SEM1: variants seen among roughly 807,000 people sequenced by gnomAD.
SEM1 encodes 26S proteasome complex subunit SEM1.
SEM1 carries 3 observed loss-of-function variants against 12.7 expected under a neutral mutation model. The observed-to-expected ratio is 0.24, with a 90% CI of 0.11 to 0.61. SEM1 has a LOEUF of 0.61. Ranked by LOEUF, SEM1 falls within the 20% of genes least tolerant of loss-of-function variation. SEM1 has a pLI of 0.88. For synonymous variants in SEM1, 30 were observed against 27.8 expected (o/e 1.08, Z -0.25); for missense variants, 59 against 81.3 (o/e 0.73, Z 1.06).
At chr7:96,545,053 A>C (rs886578767) in intron 2 of SEM1, among the ~76,000 whole-genome samples, 7 of 151,994 alleles carry the variant, frequency 4.6e-5, no homozygotes, top group African/African-American at 1.7e-4. Context: ...ATAACTTACC[A>C]TTGGCTCATT....
intron 3 of SEM1, among the ~76,000 whole-genome samples, chr7:96,505,188 G>A (rs973487592): frequency 6.6e-6 from 1 of 151,788 alleles, no homozygotes; most frequent in Non-Finnish European, 1.5e-5. Flanking sequence ...CTGCAACCTC[G>A]CCTCCCAGGT....
rs562251215 is a variant in SEM1, at chr7:96,589,699, TGAAAA to T, written c.171-83006_171-83002del. Among the ~76,000 whole-genome samples the T allele has an allele frequency of 8.5e-5, 13 of 152,354 alleles. 1 individual carries two copies. In the South Asian group the frequency reaches 2.7e-3, roughly 32 times the overall value. On this transcript the variant is annotated intron_variant and NMD_transcript_variant, in intron 2 of 3. Coordinates refer to the SEM1 transcript ENST00000466986. Reference sequence around the variant, plus strand: ...ACATTCTGTACTGAAATTATGATTTTGAAAAGAAATTATCTTGGACTCTGAAAATT... The same window carrying T: ...ACATTCTGTACTGAAATTATGATTTTGAAATTATCTTGGACTCTGAAAATT...
chr7:96,649,632 T>C (rs1397094398), intron 2 of SEM1: 1 of 152,164 alleles, frequency 6.6e-6, no homozygotes, highest in African/African-American at 2.4e-5. Flanking sequence ...CACATATGTG[T>C]ATGTAGACAG....
intron 2 of SEM1, among the ~76,000 whole-genome samples, chr7:96,508,287 G>C (rs1245285134): frequency 6.6e-6 from 1 of 152,036 alleles, no homozygotes; most frequent in African/African-American, 2.4e-5. Flanking sequence ...TTGCTCATAT[G>C]ATACAAATTT....
intron 2 of SEM1, among the ~76,000 whole-genome samples, chr7:96,517,780 A>G (rs1280313781): frequency 4.6e-5 from 7 of 152,056 alleles, no homozygotes; most frequent in Non-Finnish European, 8.8e-5. Flanking sequence ...CCAATATGTT[A>G]TATGTTTAGT....
At chr7:96,641,054 T>C (rs1808574774) in intron 2 of SEM1, among the ~76,000 whole-genome samples, 1 of 151,958 alleles carries the variant, frequency 6.6e-6, no homozygotes, top group South Asian at 2.1e-4. Context: ...CTTAAGAAGT[T>C]ATTTTTGATA....
intron 2 of SEM1, among the ~76,000 whole-genome samples, chr7:96,550,335 C>T (rs781278493): frequency 5.3e-5 from 8 of 152,124 alleles, no homozygotes; most frequent in Non-Finnish European, 1.0e-4. Flanking sequence ...TTTAGAATAG[C>T]TAAGTACTAT....
chr7:96,700,101 G>C (rs1040224431), intron 1 of SEM1, among the ~76,000 whole-genome samples: 2 of 152,156 alleles, frequency 1.3e-5, no homozygotes, highest in African/African-American at 2.4e-5. Context: ...AAAGCACTTA[G>C]TACTGATAAA....
At chr7:96,659,913 C>CAAAAAAAAAAAAAAAAAAAAA (rs71529826) in intron 2 of SEM1, among the ~76,000 whole-genome samples, 2 of 66,724 alleles carry the variant, frequency 3.0e-5, no homozygotes, top group Non-Finnish European at 5.9e-5. Flanking sequence ...AGTAAGATGG[C>CAAAAAAAAAAAAAAAAAAAAA]AAAAAAAAAA....
chr7:96,621,192 T>G (rs538560199), downstream of SEM1, among the ~76,000 whole-genome samples: 1 of 152,268 alleles, frequency 6.6e-6, no homozygotes, highest in African/African-American at 2.4e-5. Context: ...AGCTTGAAAT[T>G]TTGCTTTCTT....
intron 2 of SEM1, among the ~76,000 whole-genome samples, chr7:96,659,984 T>C (rs1448913535): frequency 1.3e-5 from 2 of 149,562 alleles, no homozygotes; most frequent in African/African-American, 4.9e-5. Context: ...TATATTAAAC[T>C]TGCCAGTTAA....
chr7:96,502,008 T>C (rs1803575952), intron 3 of SEM1, among the ~76,000 whole-genome samples: 2 of 152,152 alleles, frequency 1.3e-5, no homozygotes, highest in East Asian at 3.9e-4. Context: ...GTCAATTTAC[T>C]TAGGATAATG....
intron 2 of SEM1, among the ~76,000 whole-genome samples, chr7:96,624,160 CCA>C (rs1807982940): frequency 6.6e-6 from 1 of 152,096 alleles, no homozygotes; most frequent in Non-Finnish European, 1.5e-5. Flanking sequence ...GTTTTTGGAA[CCA>C]CCATTCTATC....
downstream of SEM1, among the ~76,000 whole-genome samples, chr7:96,685,216 T>C (rs1191821684): frequency 6.6e-6 from 1 of 152,140 alleles, no homozygotes; most frequent in East Asian, 1.9e-4. Context: ...AAACTTTTAG[T>C]GGGAATAGGA....
intron 2 of SEM1, among the ~76,000 whole-genome samples, chr7:96,581,390 G>A (rs1434720906): frequency 6.6e-6 from 1 of 152,000 alleles, no homozygotes; most frequent in Non-Finnish European, 1.5e-5. Context: ...AGTATAGTTT[G>A]AAGTCAGGTA....
chr7:96,647,161 C>A (rs914061624), intron 2 of SEM1, among the ~76,000 whole-genome samples: 1 of 152,138 alleles, frequency 6.6e-6, no homozygotes, highest in Non-Finnish European at 1.5e-5. Flanking sequence ...ATGAACTAAA[C>A]GGTATTCTAC....
At chr7:96,675,263 T>C (rs1182124110) in intron 2 of SEM1, among the ~76,000 whole-genome samples, 1 of 152,202 alleles carries the variant, frequency 6.6e-6, no homozygotes, top group Non-Finnish European at 1.5e-5. Flanking sequence ...AGAGGAATAA[T>C]GAATTCATAG....
chr7:96,512,976 C>G (rs554591236), intron 2 of SEM1, among the ~76,000 whole-genome samples: 35 of 152,250 alleles, frequency 2.3e-4, no homozygotes, highest in African/African-American at 8.2e-4. Flanking sequence ...GAATTACACA[C>G]TGCCCCTCCC....
intron 1 of SEM1, among the ~76,000 whole-genome samples, chr7:96,489,081 C>T (rs779765428): frequency 1.3e-5 from 2 of 152,112 alleles, no homozygotes; most frequent in Admixed American, 6.6e-5. Flanking sequence ...AAAAATTGCA[C>T]TTGGCAGATG....
Sources: allele counts gnomAD v4.1 joint callset (sites outside exome capture counted in the v4.1 genomes callset), GRCh38; gene constraint gnomAD v4.1.1; transcripts MANE v1.5; gene names NCBI Gene and HGNC (gene_info 2026-07-23, HGNC 2026-07-21).